Variants in HDC observed in about 807,000 individuals in gnomAD.
The protein encoded by HDC is histidine decarboxylase.
In HDC, 27 loss-of-function variants were observed where a neutral mutation model predicts 64.4. The observed-to-expected ratio is 0.42, with a 90% CI of 0.31 to 0.58. HDC has a LOEUF of 0.58. HDC is among the 20% of genes least tolerant of loss of function. The pLI is 0.16. For missense variants in HDC, 711 were observed against 833.9 expected, an observed-to-expected ratio of 0.85 and a Z score of 1.81; for synonymous variants, 305 against 314.2, an observed-to-expected ratio of 0.97 and a Z score of 0.31.
intron 2 of HDC, among the ~76,000 whole-genome samples, chr15:50,261,656 A>G (rs1194218981): frequency 1.4e-5 from 2 of 146,694 alleles, no homozygotes; most frequent in Non-Finnish European, 3.0e-5. Flanking sequence ...CAAAATTGCC[A>G]TCACTTTCTG....
chr15:50,265,548 C>T, intron 1 of HDC, 45 bp downstream of exon 1: 1 of 1,589,860 alleles, frequency 6.3e-7, no homozygotes, highest in Non-Finnish European at 8.6e-7. Context: ...GCCGTTCCTG[C>T]AGGAGTAGCA....
chr15:50,257,828 G>T (rs908223290), intron 3 of HDC, among the ~76,000 whole-genome samples: 3 of 152,124 alleles, frequency 2.0e-5, no homozygotes, highest in African/African-American at 7.2e-5. Flanking sequence ...TCTCCAAGTC[G>T]CTAAAATACA....
At chr15:50,246,376 G>T (rs1279599896) in intron 10 of HDC, among the ~76,000 whole-genome samples, 1 of 152,160 alleles carries the variant, frequency 6.6e-6, no homozygotes, top group African/African-American at 2.4e-5. Flanking sequence ...GCACAGTTTT[G>T]TAAAGGTGTT....
At chr15:50,253,514 C>A in intron 7 of HDC, 86 bp downstream of exon 7, 1 of 1,172,952 alleles carries the variant, frequency 8.5e-7, no homozygotes, top group Non-Finnish European at 1.3e-6. Flanking sequence ...AAGAATAATC[C>A]CATAGAGCTG....
chr15:50,258,374 T>C (rs772220487), intron 3 of HDC, 30 bp downstream of exon 3: 9 of 1,273,404 alleles, frequency 7.1e-6, no homozygotes, highest in Admixed American at 1.7e-5. Context: ...ACGTTCCCCA[T>C]TGCGAGTAGT....
Position 50,242,673 on chromosome 15 carries a change from G to A in HDC, c.1576C>T (p.Pro526Ser). Residue 526 changes from proline to serine, a missense_variant, in exon 12 of 12, where the codon CCT becomes TCT. Physicochemically the swap from Pro to Ser is moderately conservative, Grantham distance 74. Transcript: ENST00000267845. ...ATGGGACCGGCTCCCACACGCTGAG[G>A]CTGCTTGATGATCTTCCTGGCCTGG... ...PVQARKIIKQ[P>S]QRVGAGPMKR... 6.2e-7 allele frequency: 1 copy of A among 1,614,184 alleles called. No homozygotes were observed. Among genetic ancestry groups the A allele is most frequent in the Non-Finnish European group, 8.5e-7 (1 of 1,180,030 alleles).
intron 4 of HDC, among the ~76,000 whole-genome samples, chr15:50,256,595 C>T (rs2045635390): frequency 1.3e-5 from 2 of 152,142 alleles, no homozygotes; most frequent in African/African-American, 4.8e-5. Flanking sequence ...CCATGTTGCC[C>T]AGGCTGGTTT....
At chr15:50,249,358 C>T (rs1048451789) in intron 9 of HDC, among the ~76,000 whole-genome samples, 1 of 152,228 alleles carries the variant, frequency 6.6e-6, no homozygotes, top group Non-Finnish European at 1.5e-5. Flanking sequence ...GTTTCTACCA[C>T]AATTTCTGTT....
At chr15:50,256,183 C>T (rs75357492) in intron 4 of HDC, among the ~76,000 whole-genome samples, 46 of 152,286 alleles carry the variant, frequency 3.0e-4, no homozygotes, top group African/African-American at 1.0e-3. Context: ...GATCATGTAC[C>T]GCAGACATTT....
rs2045595367 is a variant in HDC at position 50,254,190 on chromosome 15, T to A, written c.660A>T (p.Arg220=). Residue 220 remains arginine (R), a synonymous_variant, in exon 6 of 12, where the codon CGA becomes CGT. Coordinates refer to ENST00000267845, the MANE Select transcript of HDC (RefSeq NM_002112.4). The part of the protein sequence containing the change: ...FLPVDDNFSL[R]GEALQKAIEE... ...CGATGGCCTTCTGAAGAGCTTCCCC[T>A]CGGAGTGAGAAGTTGTCATCCACAG... The A allele has an allele frequency of 3.7e-6, 6 of 1,614,202 alleles. No homozygotes were observed. The highest frequency in any genetic ancestry group is 1.1e-5 in the South Asian group (1 of 91,078).
chr15:50,256,191 T>C (rs918559889), intron 4 of HDC, among the ~76,000 whole-genome samples: 5 of 152,226 alleles, frequency 3.3e-5, no homozygotes, highest in Non-Finnish European at 7.3e-5. Flanking sequence ...ACCGCAGACA[T>C]TTAGCATGTT....
chr15:50,242,229 T>C lies in HDC; in HGVS notation c.*31A>G, dbSNP rs539867201. On this transcript the variant is annotated 3_prime_UTR_variant, in exon 12 of 12. Coordinates refer to ENST00000267845, the MANE Select transcript of HDC (RefSeq NM_002112.4). ...AGGGGTTCACAGAGTCCCTGAAGTA[T>C]ATCCTCAGACTCTGGCTGAAGGCCC... 5.7e-6 allele frequency: 9 copies of C among 1,579,082 alleles called. No homozygotes were observed. The highest frequency in any genetic ancestry group is 2.2e-5 in the South Asian group (2 of 90,424).
intron 4 of HDC, 130 bp from the exon 5 acceptor site, chr15:50,254,794 G>T: frequency 1.1e-6 from 1 of 913,256 alleles, no homozygotes; most frequent in Non-Finnish European, 1.7e-6. Flanking sequence ...GTATGTGTTT[G>T]TGTATGTGTG....
In HDC at chr15:50,263,289, G is replaced by A; in HGVS notation, c.150C>T (p.Asp50=). The A allele has an allele frequency of 2.5e-6, 4 of 1,614,158 alleles. No homozygotes were observed. The highest frequency in any genetic ancestry group is 8.5e-7 in the Non-Finnish European group (1 of 1,180,028). ...RAQLPESAPE[D]PDSWDSIFGD... ...CAAAGATGCTGTCCCAGCTGTCGGG[G>A]TCCTCAGGAGCACTCTCAGGCAGCT... is the stretch of plus-strand genomic sequence containing the variant. Residue 50 remains aspartate, a synonymous_variant, in exon 2 of 12, where the codon GAC becomes GAT. Transcript: ENST00000267845.
rs1272798019 is a variant in HDC, at chr15:50,248,836, C to G, written c.1042-493G>C. On this transcript the variant is annotated intron_variant, in intron 9 of 11. Coordinates refer to ENST00000267845, the MANE Select transcript of HDC (RefSeq NM_002112.4). This position sits in a 1 kb window ranked among gnomAD's most constrained non-coding sequence, Gnocchi z 4.3. ...GCTGTGCCACTTACTAGCTGTGTGA[C>G]CTTGGGTAGTGCCACCTCACTGGCT... Among the ~76,000 whole-genome samples the G allele has an allele frequency of 6.6e-6, 1 of 152,180 alleles. No individual in the cohort carries two copies. Among genetic ancestry groups the G allele is most frequent in the Non-Finnish European group, 1.5e-5 (1 of 68,032 alleles).
At chr15:50,244,409 C>T (rs1017476002) in intron 10 of HDC, among the ~76,000 whole-genome samples, 1 of 148,334 alleles carries the variant, frequency 6.7e-6, no homozygotes, top group African/African-American at 2.5e-5. Context: ...CTCAAGTAAT[C>T]CTCCCACCTT....
chr15:50,263,621 C>T (rs2045733479), intron 1 of HDC, among the ~76,000 whole-genome samples: 1 of 152,122 alleles, frequency 6.6e-6, no homozygotes, highest in African/African-American at 2.4e-5. Context: ...CTAACATGGT[C>T]AAACCCCTCT....
At chr15:50,264,285 C>T (rs2045741069) in intron 1 of HDC, among the ~76,000 whole-genome samples, 1 of 152,158 alleles carries the variant, frequency 6.6e-6, no homozygotes, top group African/African-American at 2.4e-5. Flanking sequence ...CTTACATATA[C>T]ACAGAACTTT....
Position 50,248,226 on chromosome 15 carries a change from A to T in HDC, c.1140+19T>A. On this transcript the variant is annotated intron_variant, in intron 10 of 11. Coordinates refer to ENST00000267845, the MANE Select transcript of HDC (RefSeq NM_002112.4). This position sits in a 1 kb window ranked among gnomAD's most constrained non-coding sequence, Gnocchi z 4.3. ...ACAGAGGAACACAGGCTCAGCCCCC[A>T]CAGCAGCATGCTACATACATGTCTG... 1 of 1,550,966 alleles carries T rather than the reference A, an allele frequency of 6.4e-7. No individual in the cohort carries two copies. Among genetic ancestry groups the T allele is most frequent in the Non-Finnish European group, 8.9e-7 (1 of 1,122,476 alleles).
Sources: gnomAD v4.1 joint callset for allele counts (sites outside exome capture counted in the v4.1 genomes callset) on GRCh38, gnomAD v4.1.1 for gene constraint, Gnocchi (gnomAD v3.1) non-coding constraint, MANE v1.5 for transcripts, NCBI Gene and HGNC (gene_info 2026-07-23, HGNC 2026-07-21) for gene names.